NAA11: variants seen among roughly 807,000 people sequenced by gnomAD.
NAA11 encodes N-alpha-acetyltransferase 11.
In NAA11, 15 loss-of-function variants were observed where a neutral mutation model predicts 16.1. The observed-to-expected ratio is 0.93, with a 90% CI of 0.62 to 1.44. The LOEUF (loss-of-function observed/expected upper bound fraction) is 1.44, where lower values mean the gene tolerates loss of function less well. Ranked by LOEUF, NAA11 falls within the 40% of genes most tolerant of loss-of-function variation. The pLI, the probability that NAA11 is intolerant of heterozygous loss-of-function variation, is 0.00. For synonymous variants in NAA11, 122 were observed against 112.4 expected (o/e 1.09, Z -0.54); for missense variants, 298 against 291.3 (o/e 1.02, Z -0.17).
chr4:79,215,319 C>A, the NAA11 span, among the ~76,000 whole-genome samples: 1 of 152,128 alleles, frequency 6.6e-6, no homozygotes, highest in Non-Finnish European at 1.5e-5. Flanking sequence ...TTGGGCCAAC[C>A]AGTTCCCTCC....
At chr4:79,307,370 G>A (rs1237389423) in intron 1 of NAA11, 1 of 152,128 alleles carries the variant, frequency 6.6e-6, no homozygotes, top group African/African-American at 2.4e-5. Flanking sequence ...TAAAACCAGA[G>A]CCATTCAGAT....
At chr4:79,225,009 A>G (rs1353477915), downstream of NAA11, among the ~76,000 whole-genome samples, 2 of 152,066 alleles carry the variant, frequency 1.3e-5, no homozygotes, top group Non-Finnish European at 2.9e-5. Flanking sequence ...AAGAGATAGG[A>G]CAACAAAATA....
At chr4:79,290,001 T>A (rs1723043900) in intron 2 of NAA11, among the ~76,000 whole-genome samples, 1 of 152,156 alleles carries the variant, frequency 6.6e-6, no homozygotes, top group Non-Finnish European at 1.5e-5. Flanking sequence ...GCCCTCTCTT[T>A]TGCTCTCCTT....
At chr4:79,222,492 T>C (rs1721214062), downstream of NAA11, among the ~76,000 whole-genome samples, 1 of 150,368 alleles carries the variant, frequency 6.7e-6, no homozygotes. Flanking sequence ...CAAAAATCAA[T>C]TCAAGATGGA....
intron 2 of NAA11, among the ~76,000 whole-genome samples, chr4:79,265,749 C>T (rs915409242): frequency 2.1e-5 from 3 of 144,090 alleles, no homozygotes; most frequent in Non-Finnish European, 4.6e-5. Flanking sequence ...ACTCTCTTAT[C>T]CCCAGATTCT....
At chr4:79,185,041 C>T in the NAA11 span, among the ~76,000 whole-genome samples, 781 of 151,916 alleles carry the variant, frequency 5.1e-3, 3 homozygotes, top group Non-Finnish European at 7.9e-3. Context: ...AGATTTTGTA[C>T]GTGAATTTTA....
chr4:79,300,654 G>A (rs1402518415), intron 1 of NAA11, among the ~76,000 whole-genome samples: 2 of 152,180 alleles, frequency 1.3e-5, no homozygotes, highest in Non-Finnish European at 2.9e-5. Context: ...AGAGTGAGCG[G>A]TAGGGAGGGC....
intron 1 of NAA11, among the ~76,000 whole-genome samples, chr4:79,310,688 T>C (rs1400720480): frequency 6.6e-6 from 1 of 152,234 alleles, no homozygotes; most frequent in African/African-American, 2.4e-5. Flanking sequence ...TGGTTTTGGT[T>C]AGGTAGGTTT....
chr4:79,168,441 G>A, the NAA11 span, among the ~76,000 whole-genome samples: 2 of 152,088 alleles, frequency 1.3e-5, no homozygotes, highest in Non-Finnish European at 2.9e-5. Context: ...TTGAGAGATC[G>A]CCACACTGTC....
intron 2 of NAA11, among the ~76,000 whole-genome samples, chr4:79,287,442 CAAGTCTCTT>C (rs1722967562): frequency 6.6e-6 from 1 of 152,074 alleles, no homozygotes; most frequent in African/African-American, 2.4e-5. Flanking sequence ...TAATACTTGT[CAAGTCTCTT>C]ATTCAGGTAA....
chr4:79,163,270 T>A, the NAA11 span, among the ~76,000 whole-genome samples: 12 of 152,184 alleles, frequency 7.9e-5, no homozygotes, highest in African/African-American at 2.9e-4. Flanking sequence ...AATGTGCATT[T>A]CCGCAGTTGT....
chr4:79,160,145 C>A, the NAA11 span, among the ~76,000 whole-genome samples: 1 of 152,062 alleles, frequency 6.6e-6, no homozygotes, highest in African/African-American at 2.4e-5. Flanking sequence ...GTGCCTGCCA[C>A]CATGCTCAGC....
the NAA11 span, among the ~76,000 whole-genome samples, chr4:79,156,425 A>T: frequency 3.3e-5 from 5 of 152,142 alleles, no homozygotes; most frequent in African/African-American, 4.8e-5. Context: ...ACCATTATAG[A>T]GGCTGGCAAG....
the NAA11 span, among the ~76,000 whole-genome samples, chr4:79,179,441 T>A: frequency 6.6e-6 from 1 of 152,228 alleles, no homozygotes; most frequent in African/African-American, 2.4e-5. Flanking sequence ...TTTCTGACTA[T>A]ATATTTTCTA....
intron 2 of NAA11, among the ~76,000 whole-genome samples, chr4:79,264,029 G>A (rs1174622466): frequency 1.3e-5 from 2 of 152,264 alleles, no homozygotes; most frequent in African/African-American, 4.8e-5. Flanking sequence ...TTATAGGCAT[G>A]AGCCACTGTG....
chr4:79,285,613 T>C (rs1722888618), intron 2 of NAA11, among the ~76,000 whole-genome samples: 3 of 152,156 alleles, frequency 2.0e-5, no homozygotes, highest in South Asian at 4.1e-4. Flanking sequence ...TGTTTTATCA[T>C]AATGGCATAA....
chr4:79,257,519 C>T (rs1473010222), intron 2 of NAA11, among the ~76,000 whole-genome samples: 1 of 152,036 alleles, frequency 6.6e-6, no homozygotes, highest in African/African-American at 2.4e-5. Flanking sequence ...TAAGAGGATT[C>T]TCTTTGCCTA....
At chr4:79,178,480 T>C in the NAA11 span, among the ~76,000 whole-genome samples, 27 of 152,212 alleles carry the variant, frequency 1.8e-4, no homozygotes, top group Non-Finnish European at 2.9e-4. Context: ...TCAAATACTT[T>C]GGAGATATAT....
At chr4:79,250,721 T>C (rs1721976550) in intron 2 of NAA11, among the ~76,000 whole-genome samples, 1 of 152,104 alleles carries the variant, frequency 6.6e-6, no homozygotes. Flanking sequence ...ATTTGCAAAC[T>C]ATGCATCTGA....
Sources: allele counts gnomAD v4.1 joint callset (sites outside exome capture counted in the v4.1 genomes callset), GRCh38; gene constraint gnomAD v4.1.1; transcripts MANE v1.5; gene names NCBI Gene and HGNC (gene_info 2026-07-23, HGNC 2026-07-21).